VGLL2: variants seen among roughly 807,000 people sequenced by gnomAD.
The protein encoded by VGLL2 is transcription cofactor vestigial-like protein 2.
VGLL2 carries 18 observed loss-of-function variants against 27.0 expected under a neutral mutation model. The ratio of observed to expected loss-of-function variants is 0.67; its 90% CI spans 0.46 to 0.99. The LOEUF is 0.99. VGLL2 is among the 50% of genes least tolerant of loss of function. VGLL2 has a pLI of 0.00. For synonymous variants in VGLL2, 220 were observed against 201.1 expected (o/e 1.09, Z -0.80); for missense variants, 491 against 452.3 (o/e 1.09, Z -0.78).
rs200440828 is a variant in VGLL2 at position 117,271,296 on chromosome 6, AAATAAT to A, written c.913+254_913+259del. Among the ~76,000 whole-genome samples the A allele has an allele frequency of 3.0e-4, 44 of 144,394 alleles. 1 individual carries two copies. Among genetic ancestry groups the A allele is most frequent in the Admixed American group, 1.4e-3 (20 of 14,474 alleles). 94.7% of individuals were successfully genotyped at this position (144,394 alleles called of 152,430 possible). A position where few individuals can be genotyped will look rare whatever the true frequency, so the allele number is the denominator to read the frequency against. On this transcript the variant is annotated intron_variant, in intron 3 of 3. Transcript: ENST00000326274. ...TGGTAAATGTTACAGAGGACTTTTA[AAATAAT>A]AATAATAATAATAATAATAATGATA...
chr6:117,270,918 C>T lies in VGLL2; in HGVS notation c.767C>T (p.Thr256Ile). ...TCGGGGCGCCCGGCCCGCCTCGCAA[C>T]CGCCCCGGCGCCCGCGCCCGGCAGT... ...AASGRPARLA[T>I]APAPAPGSPP... The change falls in exon 3 of 4, where the codon ACC becomes ATC. Residue 256 changes from threonine to isoleucine, a missense_variant. Coordinates refer to ENST00000326274, the MANE Select transcript of VGLL2 (RefSeq NM_182645.3). 8.0e-7 allele frequency: 1 copy of T among 1,248,072 alleles called. No homozygotes were observed. Among genetic ancestry groups the T allele is most frequent in the Non-Finnish European group, 1.0e-6 (1 of 1,001,828 alleles). 77.3% of individuals were successfully genotyped at this position (1,248,072 alleles called of 1,614,324 possible).
In VGLL2 at chr6:117,271,006, A is replaced by G. The variant is rs886610646; in HGVS notation, c.855A>G (p.Gly285=). 1 of 1,231,960 alleles carries G rather than the reference A, an allele frequency of 8.1e-7. No individual in the cohort carries two copies. The highest frequency in any genetic ancestry group is 1.6e-5 in the African/African-American group (1 of 63,896). 76.3% of individuals were successfully genotyped at this position (1,231,960 alleles called of 1,614,324 possible). A position where few individuals can be genotyped will look rare whatever the true frequency, so the allele number is the denominator to read the frequency against. The change falls in exon 3 of 4, where the codon GGA becomes GGG. Residue 285 remains glycine, a synonymous_variant. Coordinates refer to ENST00000326274, the MANE Select transcript of VGLL2 (RefSeq NM_182645.3). ...GCGCCGCGTGGGCCGGGCCCGGGGG[A>G]CCCTTCGCGAGCCCCTCGGGGGACG... ...PAGAAWAGPG[G]PFASPSGDVA...
At position 117,272,791 on chromosome 6, in the gene VGLL2, G is replaced by A. The variant is rs182084934; in HGVS notation, c.*297G>A. 136 of 459,126 alleles carry A rather than the reference G, an allele frequency of 3.0e-4. 1 individual carries two copies. The highest frequency in any genetic ancestry group is 1.5e-3 in the Admixed American group (38 of 25,260). 28.4% of individuals were successfully genotyped at this position (459,126 alleles called of 1,614,324 possible). A position where few individuals can be genotyped will look rare whatever the true frequency, so the allele number is the denominator to read the frequency against. On this transcript the variant is annotated 3_prime_UTR_variant, in exon 4 of 4. Transcript: ENST00000326274. ...GTGATATCATAAGCTTTCTTGGAAC[G>A]GGGGAAAGAAAATGAAACTTTTTGG...
intron 1 of VGLL2, 23 bp from the exon 2 acceptor site, chr6:117,268,159 C>G: frequency 6.2e-7 from 1 of 1,608,632 alleles, no homozygotes; most frequent in East Asian, 2.2e-5. Flanking sequence ...ATTGATATCT[C>G]TGTTCTTTCT....
rs1452661403 is a variant in VGLL2 at position 117,270,890 on chromosome 6, G to A, written c.739G>A (p.Ala247Thr). The A allele has an allele frequency of 1.8e-5, 23 of 1,283,052 alleles. No individual in the cohort carries two copies. Among genetic ancestry groups the A allele is most frequent in the African/African-American group, 1.4e-4 (9 of 64,150 alleles). The allele number at this position is 1,283,052 out of a possible 1,614,324, so 79.5% of individuals were successfully genotyped here. ...PRYGPLLMPAASGRPARLATA... is the reference protein window; with the variant it reads ...PRYGPLLMPATSGRPARLATA... The stretch of plus-strand genomic sequence containing the variant: ...CTATGGGCCGCTGCTGATGCCAGCC[G>A]CCTCGGGGCGCCCGGCCCGCCTCGC... Residue 247 changes from alanine (A) to threonine (T), a missense_variant, in exon 3 of 4, where the codon GCC becomes ACC. Ala to Thr is a moderately conservative substitution (Grantham distance 58, BLOSUM62 0). Coordinates refer to ENST00000326274, the MANE Select transcript of VGLL2 (RefSeq NM_182645.3).
At chr6:117,266,219 G>A (rs186178034) in intron 1 of VGLL2, among the ~76,000 whole-genome samples, 209 of 152,290 alleles carry the variant, frequency 1.4e-3, no homozygotes, top group African/African-American at 4.8e-3. Flanking sequence ...CCAAACTTTG[G>A]TCCCAATGGT....
At chr6:117,269,172 T>C (rs1773128694) in intron 2 of VGLL2, among the ~76,000 whole-genome samples, 1 of 152,210 alleles carries the variant, frequency 6.6e-6, no homozygotes, top group Admixed American at 6.5e-5. Flanking sequence ...ATCCCCTTTT[T>C]ATTTTTCTAC....
chr6:117,271,294 T>A (rs1304241170), intron 3 of VGLL2, among the ~76,000 whole-genome samples: 1 of 133,366 alleles, frequency 7.5e-6, no homozygotes, highest in Non-Finnish European at 1.6e-5. Context: ...AGAGGACTTT[T>A]AAAATAATAA....
At position 117,272,570 on chromosome 6, in the gene VGLL2, C is replaced by T; in HGVS notation, c.*76C>T. On this transcript the variant is annotated 3_prime_UTR_variant, in exon 4 of 4. Coordinates refer to ENST00000326274, the MANE Select transcript of VGLL2 (RefSeq NM_182645.3). ...GGCTCAGCATCTGTGCCTCTCACTC[C>T]GTGGATGAGGACATGGGGGAAGGCA... is the stretch of plus-strand genomic sequence containing the variant. The T allele has an allele frequency of 1.2e-6, 2 of 1,606,026 alleles. No individual in the cohort carries two copies. Among genetic ancestry groups the T allele is most frequent in the Non-Finnish European group, 1.7e-6 (2 of 1,174,480 alleles).
intron 3 of VGLL2, among the ~76,000 whole-genome samples, chr6:117,271,871 G>A (rs890819594): frequency 1.3e-5 from 2 of 152,146 alleles, no homozygotes; most frequent in East Asian, 1.9e-4. Flanking sequence ...TTGGCTTAAA[G>A]TATTTGCAAC....
chr6:117,268,627 G>C, intron 2 of VGLL2, 136 bp downstream of exon 2: 1 of 1,035,014 alleles, frequency 9.7e-7, no homozygotes. Context: ...ATTTGGAAAG[G>C]GTAAGGAAAA....
chr6:117,268,463 AGCACCAAGGAGCT>A lies in VGLL2; in HGVS notation c.364_376del (p.Ala122LeufsTer11). ...ACTCTCCTAGCTGTACCAGCAGCAA[AGCACCAAGGAGCT>A]CTGGGCCCTGGCGAGGTGAGTATAG... On this transcript the variant is annotated frameshift_variant, in exon 2 of 4. Transcript: ENST00000326274. 1 of 1,612,900 alleles carries A rather than the reference AGCACCAAGGAGCT, an allele frequency of 6.2e-7. No homozygotes were observed. The highest frequency in any genetic ancestry group is 8.5e-7 in the Non-Finnish European group (1 of 1,179,352).
chr6:117,270,937 C>G lies in VGLL2; in HGVS notation c.786C>G (p.Pro262=). ...TCGCAACCGCCCCGGCGCCCGCGCC[C>G]GGCAGTCCTCCCTGCGAGCTCTCCG... ...ARLATAPAPA[P]GSPPCELSGK... is the part of the protein sequence containing the mutation. Residue 262 remains proline (P), a synonymous_variant, in exon 3 of 4, where the codon CCC becomes CCG. Transcript: ENST00000326274. 7 of 1,240,108 alleles carry G rather than the reference C, an allele frequency of 5.6e-6. No homozygotes were observed. The highest frequency in any genetic ancestry group is 7.0e-6 in the Non-Finnish European group (7 of 997,258). The allele number at this position is 1,240,108 out of a possible 1,614,324, so 76.8% of individuals were successfully genotyped here. A position where few individuals can be genotyped will look rare whatever the true frequency, so the allele number is the denominator to read the frequency against.
intron 1 of VGLL2, among the ~76,000 whole-genome samples, chr6:117,266,408 T>C (rs534471151): frequency 6.6e-6 from 1 of 152,342 alleles, no homozygotes; most frequent in East Asian, 1.9e-4. Flanking sequence ...CGCGCAGTTT[T>C]ATAATTTTTT....
intron 1 of VGLL2, among the ~76,000 whole-genome samples, chr6:117,266,727 TA>T (rs1441186175): frequency 1.3e-5 from 2 of 152,204 alleles, no homozygotes; most frequent in Non-Finnish European, 2.9e-5. Context: ...TGGGAGGCTG[TA>T]GGGGTCCCCT....
chr6:117,265,748 TC>T lies in VGLL2; in HGVS notation c.-14del, dbSNP rs2128516226. ...GTTAATGAAAAAACACTTAACCGTC[TC>T]CGCTGCGGAGAGTCATGAGCTGTCT... On this transcript the variant is annotated 5_prime_UTR_variant, in exon 1 of 4. Coordinates refer to ENST00000326274, the MANE Select transcript of VGLL2 (RefSeq NM_182645.3). The T allele has an allele frequency of 6.2e-7, 1 of 1,612,608 alleles. No homozygotes were observed. Among genetic ancestry groups the T allele is most frequent in the East Asian group, 2.2e-5 (1 of 44,854 alleles).
chr6:117,272,629 C>A lies in VGLL2; in HGVS notation c.*135C>A. On this transcript the variant is annotated 3_prime_UTR_variant, in exon 4 of 4. Transcript: ENST00000326274. ...AGACTTCTCAGTGTGTTGGGAAAAC[C>A]AAAAACCACAACTACAGAAATTCAT... 2 of 1,218,036 alleles carry A rather than the reference C, an allele frequency of 1.6e-6. No homozygotes were observed. Among genetic ancestry groups the A allele is most frequent in the Non-Finnish European group, 2.3e-6 (2 of 866,530 alleles). 75.5% of individuals were successfully genotyped at this position (1,218,036 alleles called of 1,614,324 possible).
At position 117,268,256 on chromosome 6, in the gene VGLL2, C is replaced by G. The variant is rs1582497828; in HGVS notation, c.156C>G (p.Ser52Arg). 3.1e-6 allele frequency: 5 copies of G among 1,613,896 alleles called. No individual in the cohort carries two copies. The highest frequency in any genetic ancestry group is 4.2e-6 in the Non-Finnish European group (5 of 1,180,022). ...GCCCCAGCAGCAGTGGCAGCGGCAGCTCCTCATTTTCCAGCCAAACCCCAG... is the reference window on the plus strand; with the variant it reads ...GCCCCAGCAGCAGTGGCAGCGGCAGGTCCTCATTTTCCAGCCAAACCCCAG... Reference protein sequence around the residue: ...NASPSSSGSGSSSFSSQTPAS... With the variant: ...NASPSSSGSGRSSFSSQTPAS... Residue 52 changes from serine to arginine, a missense_variant, in exon 2 of 4, where the codon AGC (serine) becomes AGG (arginine). Coordinates refer to ENST00000326274, the MANE Select transcript of VGLL2 (RefSeq NM_182645.3).
Position 117,268,385 on chromosome 6 carries a change from C to T in VGLL2, c.285C>T (p.Ile95=), listed in dbSNP as rs768618557. The T allele has an allele frequency of 2.5e-6, 4 of 1,614,110 alleles. No homozygotes were observed. The highest frequency in any genetic ancestry group is 3.4e-6 in the Non-Finnish European group (4 of 1,180,018). The change falls in exon 2 of 4, where the codon ATC becomes ATT. Residue 95 remains isoleucine, a synonymous_variant. Transcript: ENST00000326274. ...CVLFTYFQGD[I]SSVVDEHFSR... ...TCTTCACTTATTTCCAGGGGGACAT[C>T]AGCTCCGTGGTGGATGAACATTTCA...
Sources: allele counts gnomAD v4.1 joint callset (sites outside exome capture counted in the v4.1 genomes callset), GRCh38; gene constraint gnomAD v4.1.1; transcripts MANE v1.5; gene names NCBI Gene and HGNC (gene_info 2026-07-23, HGNC 2026-07-21).